The following CNTLN variants were observed in gnomAD, a reference collection of about 807,000 sequenced individuals.
CNTLN encodes centlein, centrosomal protein.
In CNTLN, 212 loss-of-function variants were observed where a neutral mutation model predicts 180.0. The ratio of observed to expected loss-of-function variants is 1.18; its 90% CI spans 1.05 to 1.32. The LOEUF (loss-of-function observed/expected upper bound fraction) is 1.32. CNTLN is among the 40% of genes most tolerant of loss of function. The pLI is 0.00. For synonymous variants in CNTLN, 722 were observed against 563.1 expected, an observed-to-expected ratio of 1.28 and a Z score of -3.99; for missense variants, 2,095 against 1,610.9, an observed-to-expected ratio of 1.30 and a Z score of -5.14.
intron 25 of CNTLN, among the ~76,000 whole-genome samples, chr9:17,500,286 T>C (rs16935729): frequency 0.022 from 3,300 of 152,308 alleles, 97 homozygotes; most frequent in African/African-American, 0.075. Context: ...GGACTTCCCA[T>C]TCCACATTGG....
chr9:17,488,844 A>T (rs910940395), intron 25 of CNTLN, among the ~76,000 whole-genome samples: 1 of 152,082 alleles, frequency 6.6e-6, no homozygotes, highest in Admixed American at 6.6e-5. Flanking sequence ...TATTGACTGG[A>T]GGTAAATTTA....
chr9:17,472,725 C>G (rs933746215), intron 23 of CNTLN, among the ~76,000 whole-genome samples: 1 of 152,114 alleles, frequency 6.6e-6, no homozygotes, highest in African/African-American at 2.4e-5. Context: ...TGTCATTTTT[C>G]TCAAATGCCA....
intron 5 of CNTLN, among the ~76,000 whole-genome samples, chr9:17,253,101 G>A (rs76148281): frequency 3.3e-5 from 5 of 151,410 alleles, no homozygotes; most frequent in African/African-American, 9.7e-5. Context: ...TTTACTTCTG[G>A]GTTCTATATT....
At chr9:17,146,136 C>G (rs949307019) in intron 2 of CNTLN, among the ~76,000 whole-genome samples, 1 of 152,142 alleles carries the variant, frequency 6.6e-6, no homozygotes, top group Non-Finnish European at 1.5e-5. Flanking sequence ...GAAAATTTAT[C>G]CTTCTTAGCC....
the CNTLN span, among the ~76,000 whole-genome samples, chr9:17,509,439 T>C: frequency 2.0e-5 from 3 of 152,210 alleles, no homozygotes; most frequent in Admixed American, 6.5e-5. Context: ...TCCACCACCA[T>C]GGCATTGCAC....
At chr9:17,476,724 A>G (rs1298739217) in intron 23 of CNTLN, among the ~76,000 whole-genome samples, 1 of 152,218 alleles carries the variant, frequency 6.6e-6, no homozygotes, top group Non-Finnish European at 1.5e-5. Context: ...AGGAAGCAGC[A>G]GAAAACTTTG....
intron 16 of CNTLN, among the ~76,000 whole-genome samples, chr9:17,414,119 G>C (rs1828055055): frequency 6.6e-6 from 1 of 152,080 alleles, no homozygotes; most frequent in Non-Finnish European, 1.5e-5. Flanking sequence ...TTTCTTTCTT[G>C]CCTTCTGCAT....
At chr9:17,511,366 G>C in the CNTLN span, among the ~76,000 whole-genome samples, 2 of 152,116 alleles carry the variant, frequency 1.3e-5, no homozygotes, top group African/African-American at 2.4e-5. Context: ...AAACCTAGTG[G>C]CTTAAAACAA....
intron 5 of CNTLN, among the ~76,000 whole-genome samples, chr9:17,237,905 T>A (rs2132167997): frequency 6.6e-6 from 1 of 152,312 alleles, no homozygotes; most frequent in Admixed American, 6.5e-5. Context: ...AACTGAATTC[T>A]GGTGGATTTA....
At chr9:17,481,934 C>G (rs932569668) in intron 23 of CNTLN, among the ~76,000 whole-genome samples, 10 of 152,194 alleles carry the variant, frequency 6.6e-5, no homozygotes, top group Non-Finnish European at 1.3e-4. Flanking sequence ...AAAGGTTGGA[C>G]TGACTGGTGA....
At chr9:17,335,127 T>C (rs10123715) in intron 10 of CNTLN, among the ~76,000 whole-genome samples, 90,235 of 151,858 alleles carry the variant, frequency 0.59, 27,078 homozygotes, top group East Asian at 0.73. Context: ...TCTATTGAGG[T>C]TTTCAACAGA....
At chr9:17,326,752 T>C (rs1454944180) in intron 8 of CNTLN, among the ~76,000 whole-genome samples, 1 of 152,120 alleles carries the variant, frequency 6.6e-6, no homozygotes, top group East Asian at 1.9e-4. Flanking sequence ...TCTATGATCT[T>C]CCTTCTCAAA....
chr9:17,158,613 G>A (rs1173367288), intron 2 of CNTLN, among the ~76,000 whole-genome samples: 6 of 151,962 alleles, frequency 3.9e-5, no homozygotes, highest in Admixed American at 6.6e-5. Flanking sequence ...GGTAGTTTGT[G>A]TCTAAGAATT....
At chr9:17,349,765 TG>T (rs564325425) in intron 12 of CNTLN, among the ~76,000 whole-genome samples, 1 of 152,352 alleles carries the variant, frequency 6.6e-6, no homozygotes, top group South Asian at 2.1e-4. Flanking sequence ...ATCTGTGAAC[TG>T]ATAAATTGGC....
chr9:17,269,007 C>G (rs546642654), intron 5 of CNTLN, among the ~76,000 whole-genome samples: 1 of 152,216 alleles, frequency 6.6e-6, no homozygotes, highest in East Asian at 1.9e-4. Flanking sequence ...CATGCCTCGC[C>G]CTGCTCTGGC....
intron 25 of CNTLN, among the ~76,000 whole-genome samples, chr9:17,488,107 A>G (rs903559976): frequency 6.6e-6 from 1 of 152,188 alleles, no homozygotes; most frequent in African/African-American, 2.4e-5. Context: ...CAATTATTTT[A>G]CATTTATATT....
intron 2 of CNTLN, among the ~76,000 whole-genome samples, chr9:17,190,554 G>A (rs1345606428): frequency 6.6e-6 from 1 of 152,080 alleles, no homozygotes; most frequent in African/African-American, 2.4e-5. Context: ...GTTATAGTGA[G>A]AGTTTCAAAT....
intron 13 of CNTLN, among the ~76,000 whole-genome samples, chr9:17,383,972 G>A (rs546882292): frequency 1.4e-3 from 213 of 152,110 alleles, no homozygotes; most frequent in African/African-American, 5.1e-3. Flanking sequence ...CAGAAACACA[G>A]TTACAATGTT....
chr9:17,299,122 A>G (rs7026852), intron 7 of CNTLN: 50,611 of 201,704 alleles, frequency 0.25, 6,581 homozygotes, highest in South Asian at 0.36. Context: ...TCATGCCTGT[A>G]GTCCCAGCTA....
Sources: allele counts gnomAD v4.1 joint callset (sites outside exome capture counted in the v4.1 genomes callset), GRCh38; gene constraint gnomAD v4.1.1; transcripts MANE v1.5; gene names NCBI Gene and HGNC (gene_info 2026-07-23, HGNC 2026-07-21).